PRPF39: variants seen among roughly 807,000 people sequenced by gnomAD.
PRPF39 encodes the protein pre-mRNA processing factor 39, also known as pre-mRNA-processing factor 39.
PRPF39 carries 27 observed loss-of-function variants against 82.1 expected under a neutral mutation model. That is an observed-to-expected ratio of 0.33 (90% CI 0.24 to 0.45). The LOEUF (loss-of-function observed/expected upper bound fraction) is 0.45, where lower values mean the gene tolerates loss of function less well. Ranked by LOEUF, PRPF39 falls within the 20% of genes least tolerant of loss-of-function variation. The pLI, the probability that PRPF39 is intolerant of heterozygous loss-of-function variation, is 1.00. For missense variants in PRPF39, 581 were observed against 796.9 expected, an observed-to-expected ratio of 0.73 and a Z score of 3.26; for synonymous variants, 261 against 256.4, an observed-to-expected ratio of 1.02 and a Z score of -0.17.
At chr14:45,103,754 A>C (rs1311088009) in intron 5 of PRPF39, among the ~76,000 whole-genome samples, 1 of 152,186 alleles carries the variant, frequency 6.6e-6, no homozygotes, top group Non-Finnish European at 1.5e-5. Flanking sequence ...GGCATATGGA[A>C]ATGCTTGGTA....
intron 1 of PRPF39, among the ~76,000 whole-genome samples, chr14:45,089,529 C>T (rs571893019): frequency 6.6e-6 from 1 of 152,262 alleles, no homozygotes; most frequent in South Asian, 2.1e-4. Context: ...AGTGCAGTGG[C>T]ACGATCACGA....
chr14:45,095,710 C>A, intron 2 of PRPF39, 147 bp downstream of exon 2: 1 of 1,071,076 alleles, frequency 9.3e-7, no homozygotes, highest in Non-Finnish European at 1.3e-6. Flanking sequence ...ACATTTTTAG[C>A]TTTGAAAATA....
chr14:45,108,276 C>T, intron 6 of PRPF39, 139 bp from the exon 7 acceptor site: 1 of 964,722 alleles, frequency 1.0e-6, no homozygotes, highest in Non-Finnish European at 1.4e-6. Context: ...GGATTTTGCA[C>T]ATAATTGCCA....
intron 1 of PRPF39, among the ~76,000 whole-genome samples, chr14:45,092,301 A>G (rs1490184507): frequency 1.3e-5 from 2 of 152,268 alleles, no homozygotes; most frequent in African/African-American, 4.8e-5. Flanking sequence ...CAACTTTTCC[A>G]GAGAGAAATT....
At chr14:45,087,693 C>T (rs972249308) in intron 1 of PRPF39, among the ~76,000 whole-genome samples, 2 of 151,844 alleles carry the variant, frequency 1.3e-5, no homozygotes, top group Non-Finnish European at 2.9e-5. Flanking sequence ...CCTACCTCAG[C>T]CTCCTGAGAA....
chr14:45,110,241 T>C lies in PRPF39; in HGVS notation c.1303+21T>C, dbSNP rs755761205. 7 of 1,611,480 alleles carry C rather than the reference T, an allele frequency of 4.3e-6. No individual in the cohort carries two copies. The highest frequency in any genetic ancestry group is 5.9e-6 in the Non-Finnish European group (7 of 1,178,334). Reference sequence around the variant, plus strand: ...GCAGGGTAAGAGTGGAGAAATTCAGTTGACATTTTTGAGATTTTAAGTTAT... The same window carrying C: ...GCAGGGTAAGAGTGGAGAAATTCAGCTGACATTTTTGAGATTTTAAGTTAT... On this transcript the variant is annotated intron_variant, in intron 9 of 13. Coordinates refer to ENST00000355765, the MANE Select transcript of PRPF39 (RefSeq NM_017922.4). This position sits in a 1 kb window ranked among gnomAD's most constrained non-coding sequence, Gnocchi z 4.0.
intron 11 of PRPF39, 129 bp downstream of exon 11, chr14:45,112,631 T>C: frequency 1.1e-6 from 1 of 937,802 alleles, no homozygotes; most frequent in Non-Finnish European, 1.4e-6. Flanking sequence ...TACTTTTTCC[T>C]CAGATATATA....
chr14:45,086,201 A>G (rs573843311), intron 1 of PRPF39, among the ~76,000 whole-genome samples: 1 of 152,304 alleles, frequency 6.6e-6, no homozygotes, highest in South Asian at 2.1e-4. Context: ...TCGGCCTCCC[A>G]AAGTGCTGAG....
rs951818078 is a variant in PRPF39, at chr14:45,115,313, G to C, written c.*400G>C. On this transcript the variant is annotated 3_prime_UTR_variant, in exon 14 of 14. Transcript: ENST00000355765. The stretch of plus-strand genomic sequence containing the variant: ...CTCCTTTTTTTTTTTTTTTTTTAAA[G>C]AAAAAAGGACTTTTAACCTTTGCTG... 1 of 126,950 alleles carries C rather than the reference G, an allele frequency of 7.9e-6. No homozygotes were observed. The highest frequency in any genetic ancestry group is 1.7e-5 in the Non-Finnish European group (1 of 59,108). The allele number at this position is 126,950 out of a possible 1,614,324, so 7.9% of individuals were successfully genotyped here.
At chr14:45,092,193 T>C (rs1167689275) in intron 1 of PRPF39, among the ~76,000 whole-genome samples, 1 of 152,220 alleles carries the variant, frequency 6.6e-6, no homozygotes, top group African/African-American at 2.4e-5. Context: ...ACTATATTGC[T>C]GCTTTGAATG....
chr14:45,096,991 C>G lies in PRPF39; in HGVS notation c.555C>G (p.Asn185Lys). 1 of 1,543,408 alleles carries G rather than the reference C, an allele frequency of 6.5e-7. No individual in the cohort carries two copies. Among genetic ancestry groups the G allele is most frequent in the African/African-American group, 1.4e-5 (1 of 72,394 alleles). Residue 185 changes from asparagine to lysine, a missense_variant, in exon 4 of 14, where the codon AAC becomes AAG. Asn to Lys is a moderately conservative substitution (Grantham distance 94, BLOSUM62 0). Coordinates refer to ENST00000355765, the MANE Select transcript of PRPF39 (RefSeq NM_017922.4). ...ETLDPGDPET[N>K]NTIRGTFEHA... Reference sequence around the variant, plus strand: ...TGGACCCTGGTGATCCTGAGACAAACAATACAATAAGAGGGTATGTGGAAC... The same window carrying G: ...TGGACCCTGGTGATCCTGAGACAAAGAATACAATAAGAGGGTATGTGGAAC...
intron 1 of PRPF39, among the ~76,000 whole-genome samples, chr14:45,086,970 G>C (rs896097343): frequency 2.7e-5 from 4 of 150,674 alleles, no homozygotes; most frequent in African/African-American, 9.8e-5. Flanking sequence ...CATTCACTGT[G>C]GTATATCTGT....
At chr14:45,106,330 C>T (rs573240953) in intron 5 of PRPF39, among the ~76,000 whole-genome samples, 1 of 152,184 alleles carries the variant, frequency 6.6e-6, no homozygotes, top group East Asian at 1.9e-4. Context: ...GCCTGGGCAA[C>T]AGAGCAGGAC....
intron 1 of PRPF39, among the ~76,000 whole-genome samples, chr14:45,089,362 A>G (rs1210249333): frequency 6.6e-6 from 1 of 152,198 alleles, no homozygotes; most frequent in Non-Finnish European, 1.5e-5. Flanking sequence ...TCCCTTCCTC[A>G]ATGAGCAGTC....
Position 45,110,441 on chromosome 14 carries a change from A to G in PRPF39, c.1304-108A>G. Reference sequence around the variant, plus strand: ...GTGTAAATATGCATGGCTGTTTCCCATTATTAGTTGCTGGATTTAGCCCAT... The same window carrying G: ...GTGTAAATATGCATGGCTGTTTCCCGTTATTAGTTGCTGGATTTAGCCCAT... On this transcript the variant is annotated intron_variant, in intron 9 of 13. Coordinates refer to ENST00000355765, the MANE Select transcript of PRPF39 (RefSeq NM_017922.4). This position sits in a 1 kb window ranked among gnomAD's most constrained non-coding sequence, Gnocchi z 4.0. 7.9e-7 allele frequency: 1 copy of G among 1,272,976 alleles called. No homozygotes were observed. The highest frequency in any genetic ancestry group is 1.1e-6 in the Non-Finnish European group (1 of 928,946). 78.9% of individuals were successfully genotyped at this position (1,272,976 alleles called of 1,614,324 possible).
At chr14:45,099,427 A>C (rs1023581584) in intron 4 of PRPF39, among the ~76,000 whole-genome samples, 2 of 151,570 alleles carry the variant, frequency 1.3e-5, no homozygotes, top group African/African-American at 4.8e-5. Context: ...TTGGATTTTT[A>C]ACATCTTCCA....
At chr14:45,088,051 G>T (rs1566689081) in intron 1 of PRPF39, among the ~76,000 whole-genome samples, 1 of 152,260 alleles carries the variant, frequency 6.6e-6, no homozygotes, top group East Asian at 1.9e-4. Context: ...CTGTATCCCT[G>T]TGTATTGGTA....
chr14:45,087,925 A>G (rs1418023277), intron 1 of PRPF39, among the ~76,000 whole-genome samples: 1 of 152,030 alleles, frequency 6.6e-6, no homozygotes, highest in Non-Finnish European at 1.5e-5. Context: ...CCAAGTACTT[A>G]TCACTTCCCA....
chr14:45,101,585 A>T (rs1417495182), intron 4 of PRPF39, among the ~76,000 whole-genome samples: 1 of 151,342 alleles, frequency 6.6e-6, no homozygotes, highest in East Asian at 1.9e-4. Flanking sequence ...CATGCCTCAG[A>T]CTCCCGAGTA....
Sources: allele counts gnomAD v4.1 joint callset (sites outside exome capture counted in the v4.1 genomes callset), GRCh38; gene constraint gnomAD v4.1.1; non-coding constraint Gnocchi (gnomAD v3.1); transcripts MANE v1.5; gene names NCBI Gene and HGNC (gene_info 2026-07-23, HGNC 2026-07-21).